The following FAM107A variants were observed in gnomAD, a reference collection of about 807,000 sequenced individuals.
The protein encoded by FAM107A is actin-associated protein FAM107A.
FAM107A carries 19 observed loss-of-function variants against 13.7 expected under a neutral mutation model. The ratio of observed to expected loss-of-function variants is 1.38; its 90% CI spans 0.97 to 2.03. The LOEUF is 2.03. Among genes scored for constraint, FAM107A ranks in the 30% most tolerant of loss-of-function variants. The probability of loss-of-function intolerance (pLI) is 0.00; values close to 1 mark genes in which losing one functional copy is unlikely to be tolerated. For synonymous variants in FAM107A, 82 were observed against 74.5 expected (o/e 1.10, Z -0.52); for missense variants, 203 against 184.4 (o/e 1.10, Z -0.58).
At chr3:58,615,729 CTACAAAAAT>C (rs1025193753) in intron 1 of FAM107A, among the ~76,000 whole-genome samples, 2 of 151,732 alleles carry the variant, frequency 1.3e-5, no homozygotes, top group African/African-American at 4.8e-5. Flanking sequence ...GACACTGTCT[CTACAAAAAT>C]TACAAAAATT....
At chr3:58,621,296 G>T (rs1050669975) in intron 1 of FAM107A, among the ~76,000 whole-genome samples, 19 of 152,126 alleles carry the variant, frequency 1.2e-4, no homozygotes, top group African/African-American at 4.6e-4. Flanking sequence ...TGTCACCTTG[G>T]CTGGCACTAA....
intron 1 of FAM107A, among the ~76,000 whole-genome samples, chr3:58,593,406 C>G (rs1016600295): frequency 3.3e-5 from 5 of 152,192 alleles, no homozygotes; most frequent in Non-Finnish European, 5.9e-5. Context: ...CCATTCTCAA[C>G]TACTTGTAAA....
rs746963139 is a variant in FAM107A at position 58,569,907 on chromosome 3, A to C, written c.-5-42T>G. The C allele has an allele frequency of 3.8e-6, 6 of 1,582,192 alleles. No individual in the cohort carries two copies. Among genetic ancestry groups the C allele is most frequent in the Admixed American group, 3.6e-5 (2 of 55,922 alleles). ...AGGAGTAGCTCAGAGCTGAGCCTAT[A>C]ATCTCACCCTGCCCCATGGGACACA... On this transcript the variant is annotated intron_variant, in intron 1 of 3. Transcript: ENST00000360997. This position sits in a 1 kb window ranked among gnomAD's most constrained non-coding sequence, Gnocchi z 5.7.
Position 58,569,553 on chromosome 3 carries a change from A to C in FAM107A, c.170+138T>G. ...GTCTTTACAGGTTTTGCCGGTGATC[A>C]TGTGGGGCACCTCAGCCTTCCTCAG... On this transcript the variant is annotated intron_variant, in intron 2 of 3. Coordinates refer to ENST00000360997, the MANE Select transcript of FAM107A (RefSeq NM_001076778.3). The surrounding 1 kb of genome is among the most constrained non-coding windows in gnomAD (Gnocchi z 5.7). 2 of 715,170 alleles carry C rather than the reference A, an allele frequency of 2.8e-6. No homozygotes were observed. Among genetic ancestry groups the C allele is most frequent in the East Asian group, 2.6e-5 (1 of 38,944 alleles). The allele number at this position is 715,170 out of a possible 1,614,324, so 44.3% of individuals were successfully genotyped here.
At chr3:58,598,062 G>A (rs2065722296) in intron 1 of FAM107A, among the ~76,000 whole-genome samples, 1 of 152,190 alleles carries the variant, frequency 6.6e-6, no homozygotes, top group South Asian at 2.1e-4. Context: ...AGCCCTGGCT[G>A]CTGCCCTCCT....
chr3:58,621,668 G>A (rs11130659), intron 1 of FAM107A, among the ~76,000 whole-genome samples: 11,456 of 152,278 alleles, frequency 0.075, 484 homozygotes, highest in African/African-American at 0.1. Flanking sequence ...TTTTAGGGAT[G>A]AGGAAAGCAA....
intron 1 of FAM107A, among the ~76,000 whole-genome samples, chr3:58,599,695 CAT>C (rs2065736080): frequency 2.2e-5 from 1 of 45,752 alleles, no homozygotes; most frequent in Non-Finnish European, 5.3e-5. Context: ...ACAAGTGCAC[CAT>C]TTTTTTTTTT....
At chr3:58,610,724 C>T (rs2065845819) in intron 1 of FAM107A, among the ~76,000 whole-genome samples, 1 of 152,240 alleles carries the variant, frequency 6.6e-6, no homozygotes, top group African/African-American at 2.4e-5. Context: ...AAGGGCCACC[C>T]TCTTCCACCT....
At chr3:58,585,893 TA>T (rs1302756211) in intron 1 of FAM107A, among the ~76,000 whole-genome samples, 1 of 152,154 alleles carries the variant, frequency 6.6e-6, no homozygotes, top group Non-Finnish European at 1.5e-5. Flanking sequence ...TTTTTCTAAA[TA>T]AAAAGGCTTA....
At chr3:58,579,410 G>A (rs2065501714), upstream of FAM107A, among the ~76,000 whole-genome samples, 1 of 152,130 alleles carries the variant, frequency 6.6e-6, no homozygotes, top group Non-Finnish European at 1.5e-5. Flanking sequence ...TGGAAACAAT[G>A]TGTGGTCCCT....
intron 2 of FAM107A, among the ~76,000 whole-genome samples, chr3:58,567,834 A>G (rs2063638216): frequency 6.6e-6 from 1 of 152,232 alleles, no homozygotes; most frequent in African/African-American, 2.4e-5. Context: ...CTGGTAGGCC[A>G]GAAAGAATAT....
rs1246403029 is a variant in FAM107A, at chr3:58,565,187, GC to G, written c.*1400del. ...CTAATTCTTTAAAAATGGGATAGGA[GC>G]AAAAGGTTAAAATATGTGGGTCTCA... is the stretch of plus-strand genomic sequence containing the variant. On this transcript the variant is annotated 3_prime_UTR_variant, in exon 4 of 4. Coordinates refer to ENST00000360997, the MANE Select transcript of FAM107A (RefSeq NM_001076778.3). The G allele has an allele frequency of 2.0e-5, 3 of 152,146 alleles. No homozygotes were observed. The highest frequency in any genetic ancestry group is 7.2e-5 in the African/African-American group (3 of 41,420). The allele number at this position is 152,146 out of a possible 1,614,324, so 9.4% of individuals were successfully genotyped here. A position where few individuals can be genotyped will look rare whatever the true frequency, so the allele number is the denominator to read the frequency against.
chr3:58,581,686 G>A (rs2065544544), upstream of FAM107A, among the ~76,000 whole-genome samples: 2 of 152,202 alleles, frequency 1.3e-5, no homozygotes, highest in African/African-American at 4.8e-5. Flanking sequence ...ACCTGTCATG[G>A]GATCTGTGGA....
At chr3:58,596,336 C>A (rs75984629) in intron 1 of FAM107A, among the ~76,000 whole-genome samples, 3,015 of 152,226 alleles carry the variant, frequency 0.02, 46 homozygotes, top group Non-Finnish European at 0.027. Context: ...CCCCATGCAC[C>A]GAGGAGCATT....
intron 1 of FAM107A, among the ~76,000 whole-genome samples, chr3:58,605,859 G>A (rs1266373401): frequency 6.6e-6 from 1 of 152,204 alleles, no homozygotes; most frequent in Non-Finnish European, 1.5e-5. Flanking sequence ...CAAGAATCAG[G>A]TTTGCTGAAC....
chr3:58,575,017 G>A (rs547947446), intron 1 of FAM107A, among the ~76,000 whole-genome samples: 6 of 152,308 alleles, frequency 3.9e-5, no homozygotes, highest in South Asian at 2.1e-4. Context: ...ATGGAGTCTC[G>A]GGGCCCAGTT....
At chr3:58,622,425 G>A (rs1372696040) in intron 1 of FAM107A, among the ~76,000 whole-genome samples, 3 of 150,720 alleles carry the variant, frequency 2.0e-5, no homozygotes, top group African/African-American at 7.3e-5. Flanking sequence ...TGGGTGACAG[G>A]GCGAGACTCT....
rs552580887 is a variant in FAM107A, at chr3:58,617,073, C to T, written c.-70+10343G>A. On this transcript the variant is annotated intron_variant, in intron 1 of 3. Transcript: ENST00000465970. This position sits in a 1 kb window ranked among gnomAD's most constrained non-coding sequence, Gnocchi z 4.5. ...AGGCGTGAGCCACCGCGCCTGGCCT[C>T]GGCTACCCAGTTTCTGATCGTTTGT... Among the ~76,000 whole-genome samples the T allele has an allele frequency of 2.0e-5, 3 of 152,246 alleles. No individual in the cohort carries two copies. Among genetic ancestry groups the T allele is most frequent in the Non-Finnish European group, 2.9e-5 (2 of 67,998 alleles).
exon 1 of FAM107A, chr3:58,586,975 C>A (rs1020187112): frequency 8.7e-6 from 13 of 1,496,454 alleles, no homozygotes; most frequent in Non-Finnish European, 1.2e-5. Flanking sequence ...CACTGCTGGC[C>A]CCGCGAGCGC....
Sources: gnomAD v4.1 joint callset for allele counts (sites outside exome capture counted in the v4.1 genomes callset) on GRCh38, gnomAD v4.1.1 for gene constraint, Gnocchi (gnomAD v3.1) non-coding constraint, MANE v1.5 for transcripts, NCBI Gene and HGNC (gene_info 2026-07-23, HGNC 2026-07-21) for gene names.